Variants in CARS2 observed in about 807,000 individuals in gnomAD.
CARS2 encodes the protein cysteinyl-tRNA synthetase 2, mitochondrial.
In CARS2, 52 loss-of-function variants were observed where a neutral mutation model predicts 68.8. The ratio of observed to expected loss-of-function variants is 0.76; its 90% CI spans 0.61 to 0.95. The LOEUF (loss-of-function observed/expected upper bound fraction) is 0.95, where lower values mean the gene tolerates loss of function less well. Ranked by LOEUF, CARS2 falls within the 40% of genes least tolerant of loss-of-function variation. The pLI, the probability that CARS2 is intolerant of heterozygous loss-of-function variation, is 0.00. For synonymous variants in CARS2, 314 were observed against 303.6 expected (o/e 1.03, Z -0.36); for missense variants, 780 against 754.2 (o/e 1.03, Z -0.40).
chr13:110,680,815 T>C (rs2063137854), intron 6 of CARS2, among the ~76,000 whole-genome samples: 1 of 152,192 alleles, frequency 6.6e-6, no homozygotes, highest in African/African-American at 2.4e-5. Context: ...TAAGGCTAAG[T>C]GTCGTGTTAA....
intron 1 of CARS2, among the ~76,000 whole-genome samples, chr13:110,711,987 T>C (rs536854803): frequency 1.1e-4 from 17 of 152,362 alleles, no homozygotes; most frequent in African/African-American, 4.1e-4. Flanking sequence ...TTCCATCAAA[T>C]ACCACGTTTC....
chr13:110,665,074 T>G lies in CARS2; in HGVS notation c.920-1556A>C, dbSNP rs563849350. 2 of 985,448 alleles carry G rather than the reference T, an allele frequency of 2.0e-6. No homozygotes were observed. The highest frequency in any genetic ancestry group is 9.4e-5 in the South Asian group (2 of 21,290). 61.0% of individuals were successfully genotyped at this position (985,448 alleles called of 1,614,324 possible). ...CTTCTCCTGCGTCAGGAGACACTGATGTTTTGTTTGGGGCCAAACTAGTAT... is the reference window on the plus strand; with the variant it reads ...CTTCTCCTGCGTCAGGAGACACTGAGGTTTTGTTTGGGGCCAAACTAGTAT... On this transcript the variant is annotated intron_variant, in intron 8 of 14. Transcript: ENST00000257347. The surrounding 1 kb of genome is among the most constrained non-coding windows in gnomAD (Gnocchi z 4.3).
Position 110,651,082 on chromosome 13 carries a change from A to T in CARS2, c.1006T>A (p.Ser336Thr). The change falls in exon 10 of 15, where the codon TCC (serine) becomes ACC (threonine). Residue 336 changes from serine to threonine, a missense_variant. Ser to Thr is a moderately conservative substitution (Grantham distance 58). Coordinates refer to ENST00000257347, the MANE Select transcript of CARS2 (RefSeq NM_024537.4). The part of the protein sequence containing the change: ...ITIKDFLKTF[S>T]PDVFRFFCLR... ...CAGAAGAACCGGAAGACATCGGGGG[A>T]AAAGGTCTTCAGAAAGTCCTGGTAA... is the stretch of plus-strand genomic sequence containing the variant. The T allele has an allele frequency of 6.2e-7, 1 of 1,611,154 alleles. No individual in the cohort carries two copies. Among genetic ancestry groups the T allele is most frequent in the Non-Finnish European group, 8.5e-7 (1 of 1,178,136 alleles).
chr13:110,706,928 A>G (rs994210135), upstream of CARS2, among the ~76,000 whole-genome samples: 18 of 148,564 alleles, frequency 1.2e-4, no homozygotes, highest in African/African-American at 4.5e-4. Context: ...CTGCACCCCA[A>G]TACACAGTAT....
chr13:110,705,430 G>T lies in CARS2; in HGVS notation c.275+91C>A. On this transcript the variant is annotated intron_variant, in intron 2 of 14. Coordinates refer to ENST00000257347, the MANE Select transcript of CARS2 (RefSeq NM_024537.4). The surrounding 1 kb of genome is among the most constrained non-coding windows in gnomAD (Gnocchi z 4.0). ...TGTAGGAATTATTCTGCATCCCTAA[G>T]TTGCCACTTAAGAGATAAAAGAAAT... is the stretch of plus-strand genomic sequence containing the variant. 1 of 850,936 alleles carries T rather than the reference G, an allele frequency of 1.2e-6. No homozygotes were observed. 52.7% of individuals were successfully genotyped at this position (850,936 alleles called of 1,614,324 possible). A position where few individuals can be genotyped will look rare whatever the true frequency, so the allele number is the denominator to read the frequency against.
intron 6 of CARS2, among the ~76,000 whole-genome samples, chr13:110,681,252 C>T (rs1347282417): frequency 6.6e-6 from 1 of 152,060 alleles, no homozygotes; most frequent in Non-Finnish European, 1.5e-5. Context: ...GTTATTACAA[C>T]AATTTAAATT....
chr13:110,703,053 A>T (rs991267856), intron 2 of CARS2, among the ~76,000 whole-genome samples: 13 of 152,074 alleles, frequency 8.5e-5, no homozygotes, highest in African/African-American at 3.1e-4. Context: ...GTCTGGCTGC[A>T]ACTGACGCCC....
chr13:110,686,934 G>A (rs1180622051), intron 5 of CARS2, among the ~76,000 whole-genome samples: 1 of 152,094 alleles, frequency 6.6e-6, no homozygotes. Context: ...GAGTGCAATG[G>A]TGTGATCTCG....
In CARS2 at chr13:110,670,020, T is replaced by C. The variant is rs918299430; in HGVS notation, c.786-2547A>G. ...GCAGCGAGGCTGGGGGAGGGGCATC[T>C]GCCATTGCTGAGGCTTGAGTAGGTA... On this transcript the variant is annotated intron_variant, in intron 7 of 14. Transcript: ENST00000257347. This position sits in a 1 kb window ranked among gnomAD's most constrained non-coding sequence, Gnocchi z 4.1. Among the ~76,000 whole-genome samples, 5 of 152,326 alleles carry C rather than the reference T, an allele frequency of 3.3e-5. No individual in the cohort carries two copies. In the South Asian group the frequency reaches 1.0e-3, roughly 32 times the overall value.
At position 110,665,149 on chromosome 13, in the gene CARS2, A is replaced by G; in HGVS notation, c.920-1631T>C. On this transcript the variant is annotated intron_variant, in intron 8 of 14. Coordinates refer to ENST00000257347, the MANE Select transcript of CARS2 (RefSeq NM_024537.4). The surrounding 1 kb of genome is among the most constrained non-coding windows in gnomAD (Gnocchi z 4.3). ...AGGTAGTAAAAAATCACTGAAAAAT[A>G]GCCACAAAACTTTCCCACCACGTGC... 1 of 985,426 alleles carries G rather than the reference A, an allele frequency of 1.0e-6. No homozygotes were observed. Among genetic ancestry groups the G allele is most frequent in the Non-Finnish European group, 1.2e-6 (1 of 829,932 alleles). The allele number at this position is 985,426 out of a possible 1,614,324, so 61.0% of individuals were successfully genotyped here.
Position 110,705,611 on chromosome 13 carries a change from G to T in CARS2, c.225-40C>A. On this transcript the variant is annotated intron_variant, in intron 1 of 14. Transcript: ENST00000257347. The surrounding 1 kb of genome is among the most constrained non-coding windows in gnomAD (Gnocchi z 4.0). ...AAAATCCATCGTGTGGAACATATTT[G>T]CAAGAAAGGACATTCGATTCTGAGT... 6.4e-7 allele frequency: 1 copy of T among 1,574,480 alleles called. No individual in the cohort carries two copies. The highest frequency in any genetic ancestry group is 8.7e-7 in the Non-Finnish European group (1 of 1,144,030).
In CARS2 at chr13:110,643,117, C is replaced by T. The variant is rs573881796; in HGVS notation, c.1417-596G>A. 6.6e-5 allele frequency: 17 copies of T among 258,402 alleles called. No individual in the cohort carries two copies. The South Asian group carries it at 6.7e-4, about 10-fold the overall frequency. The allele number at this position is 258,402 out of a possible 1,614,324, so 16.0% of individuals were successfully genotyped here. Reference sequence around the variant, plus strand: ...GGTGTCAAACTACTTAAACCTCACACACCCCTCAGTTATTGCTTCCATGAT... The same window carrying T: ...GGTGTCAAACTACTTAAACCTCACATACCCCTCAGTTATTGCTTCCATGAT... On this transcript the variant is annotated intron_variant, in intron 13 of 14. Coordinates refer to ENST00000257347, the MANE Select transcript of CARS2 (RefSeq NM_024537.4).
chr13:110,665,739 C>T lies in CARS2; in HGVS notation c.919+1601G>A, dbSNP rs1357293640. 2.5e-5 allele frequency: 25 copies of T among 985,280 alleles called. No homozygotes were observed. Among genetic ancestry groups the T allele is most frequent in the Non-Finnish European group, 3.0e-5 (25 of 829,938 alleles). 61.0% of individuals were successfully genotyped at this position (985,280 alleles called of 1,614,324 possible). On this transcript the variant is annotated intron_variant, in intron 8 of 14. Coordinates refer to ENST00000257347, the MANE Select transcript of CARS2 (RefSeq NM_024537.4). This position sits in a 1 kb window ranked among gnomAD's most constrained non-coding sequence, Gnocchi z 4.3. ...CGCTGAACTGAGCCCTGAACGAAGT[C>T]AACGAGGAAGTGACTTCGGGGCAAT...
intron 9 of CARS2, among the ~76,000 whole-genome samples, chr13:110,661,890 G>C (rs563280897): frequency 1.9e-4 from 29 of 152,258 alleles, no homozygotes; most frequent in Non-Finnish European, 3.7e-4. Flanking sequence ...CCATGGATGT[G>C]GTTCATGGAG....
intron 1 of CARS2, chr13:110,713,061 G>T: frequency 6.9e-7 from 1 of 1,459,486 alleles, no homozygotes; most frequent in East Asian, 2.5e-5. Context: ...TTCCGCCCGT[G>T]CCCGGCCCTC....
chr13:110,667,281 G>A (rs895445523), intron 8 of CARS2, 59 bp downstream of exon 8: 26 of 1,479,344 alleles, frequency 1.8e-5, no homozygotes, highest in East Asian at 9.4e-5. Context: ...CTGTTCCGCC[G>A]ACAAAGACAG....
At chr13:110,649,678 G>C (rs2062148073) in intron 10 of CARS2, among the ~76,000 whole-genome samples, 1 of 152,196 alleles carries the variant, frequency 6.6e-6, no homozygotes, top group Non-Finnish European at 1.5e-5. Flanking sequence ...GGGAGAGGGA[G>C]GTGGCATGAC....
rs1360212807 is a variant in CARS2, at chr13:110,705,854, G to C, written c.224+16C>G. ...ACGATCGGCCCCCGCCCGTGCCCCA[G>C]TCCCGCGCGGCCCACCAGGAGGCGG... On this transcript the variant is annotated intron_variant, in intron 1 of 14. Coordinates refer to ENST00000257347, the MANE Select transcript of CARS2 (RefSeq NM_024537.4). The surrounding 1 kb of genome is among the most constrained non-coding windows in gnomAD (Gnocchi z 4.0). The C allele has an allele frequency of 6.5e-7, 1 of 1,547,274 alleles. No homozygotes were observed.
chr13:110,713,280 G>A (rs2064059004), exon 1 of CARS2: 1 of 1,292,800 alleles, frequency 7.7e-7, no homozygotes, highest in Non-Finnish European at 9.8e-7. Context: ...GCTGAGGAGC[G>A]AGTTGCGGTA....
Sources: allele counts gnomAD v4.1 joint callset (sites outside exome capture counted in the v4.1 genomes callset), GRCh38; gene constraint gnomAD v4.1.1; non-coding constraint Gnocchi (gnomAD v3.1); transcripts MANE v1.5; gene names NCBI Gene and HGNC (gene_info 2026-07-23, HGNC 2026-07-21).